Variants in PDE4D observed in about 807,000 individuals in gnomAD.
The protein encoded by PDE4D is phosphodiesterase 4D.
In PDE4D, 24 loss-of-function variants were observed where a neutral mutation model predicts 87.4. That is an observed-to-expected ratio of 0.27 (90% confidence interval 0.20 to 0.39). The LOEUF (loss-of-function observed/expected upper bound fraction) is 0.39. PDE4D is among the 10% of genes least tolerant of loss of function. PDE4D has a pLI of 1.00. For missense variants in PDE4D, 714 were observed against 1,041.0 expected (o/e 0.69, Z 4.32); for synonymous variants, 384 against 383.2 (o/e 1.00, Z -0.02).
At chr5:59,846,611 T>C (rs1743895572) in intron 1 of PDE4D, among the ~76,000 whole-genome samples, 2 of 152,128 alleles carry the variant, frequency 1.3e-5, no homozygotes, top group South Asian at 4.1e-4. Flanking sequence ...GAAGACTTGC[T>C]CCTAAGACCA....
chr5:60,361,354 A>C (rs1325148609), intron 1 of PDE4D, among the ~76,000 whole-genome samples: 2 of 152,228 alleles, frequency 1.3e-5, no homozygotes, highest in Non-Finnish European at 2.9e-5. Flanking sequence ...TACTTGATGT[A>C]GCTGTGAAAA....
intron 3 of PDE4D, among the ~76,000 whole-genome samples, chr5:59,938,163 T>C (rs1307989997): frequency 6.6e-6 from 1 of 152,204 alleles, no homozygotes; most frequent in African/African-American, 2.4e-5. Context: ...GACAGATTTA[T>C]TAAATAGCAC....
intron 1 of PDE4D, among the ~76,000 whole-genome samples, chr5:59,826,113 C>G (rs531706771): frequency 2.0e-5 from 3 of 152,148 alleles, no homozygotes; most frequent in African/African-American, 2.4e-5. Context: ...TTTTCTGTTA[C>G]AAATTCAGAG....
chr5:59,295,220 T>G (rs1377574853), intron 1 of PDE4D, among the ~76,000 whole-genome samples: 4 of 152,198 alleles, frequency 2.6e-5, no homozygotes, highest in Non-Finnish European at 5.9e-5. Context: ...AACGTTTTAC[T>G]ATTGACTAAT....
At chr5:59,768,364 G>A in intron 1 of PDE4D, 1 of 1,598,348 alleles carries the variant, frequency 6.3e-7, no homozygotes, top group Non-Finnish European at 8.5e-7. Flanking sequence ...GGGAGAAACC[G>A]ATTTCCTCGC....
In PDE4D at chr5:60,162,760, A is replaced by G. The variant is rs56786015; in HGVS notation, c.42+22797T>C. ...TAAATTATGAGACTCGCTGCCAGGA[A>G]GAAAAAAAAAAGATGCTACCCAACC... On this transcript the variant is annotated intron_variant, in intron 2 of 16. Coordinates refer to the PDE4D transcript ENST00000502484. Among the ~76,000 whole-genome samples the G allele has an allele frequency of 2.5e-3, 387 of 152,194 alleles. 2 individuals are homozygous for G. The highest frequency in any genetic ancestry group is 9.1e-3 in the African/African-American group (376 of 41,540).
At chr5:60,186,517 T>C (rs577020599) in intron 1 of PDE4D, among the ~76,000 whole-genome samples, 2 of 152,286 alleles carry the variant, frequency 1.3e-5, no homozygotes, top group African/African-American at 2.4e-5. Flanking sequence ...ATAAGATATA[T>C]TTGCATGTGG....
At chr5:59,979,348 T>G (rs1761667078) in intron 3 of PDE4D, among the ~76,000 whole-genome samples, 2 of 125,654 alleles carry the variant, frequency 1.6e-5, no homozygotes, top group African/African-American at 5.1e-5. Context: ...TATTTATATA[T>G]TATAAATTAC....
chr5:60,327,706 C>A (rs893723065), intron 1 of PDE4D, among the ~76,000 whole-genome samples: 1 of 152,126 alleles, frequency 6.6e-6, no homozygotes, highest in African/African-American at 2.4e-5. Flanking sequence ...GGAAAACAGT[C>A]CAAGTTTCCA....
chr5:60,338,829 A>C (rs901271865), intron 1 of PDE4D, among the ~76,000 whole-genome samples: 1 of 152,024 alleles, frequency 6.6e-6, no homozygotes, highest in Non-Finnish European at 1.5e-5. Flanking sequence ...CCCCTTCCCA[A>C]AATAGGAGAG....
At position 59,281,951 on chromosome 5, in the gene PDE4D, T is replaced by C. The variant is rs1765870865; in HGVS notation, c.456-65983A>G. Among the ~76,000 whole-genome samples, 2 of 152,212 alleles carry C rather than the reference T, an allele frequency of 1.3e-5. 1 individual carries two copies. The highest frequency in any genetic ancestry group is 4.1e-4 in the South Asian group (2 of 4,832). ...TTGAGAAATCAATGTACTTGCCTTA[T>C]CCATCATCAATTCTTTCAAAGTATT... is the stretch of plus-strand genomic sequence containing the variant. On this transcript the variant is annotated intron_variant, in intron 1 of 14. Transcript: ENST00000340635.
chr5:60,121,321 C>A (rs1428061293), intron 2 of PDE4D, among the ~76,000 whole-genome samples: 1 of 151,976 alleles, frequency 6.6e-6, no homozygotes, highest in East Asian at 1.9e-4. Flanking sequence ...AAATTCTCAG[C>A]AAGTGTTACT....
chr5:59,228,139 A>G (rs539395868), intron 1 of PDE4D, among the ~76,000 whole-genome samples: 2 of 152,310 alleles, frequency 1.3e-5, no homozygotes, highest in Admixed American at 1.3e-4. Context: ...ATTTTTAGCA[A>G]ACTAATGCAG....
At chr5:59,156,334 T>TATAC (rs1561585442) in intron 5 of PDE4D, among the ~76,000 whole-genome samples, 1 of 91,532 alleles carries the variant, frequency 1.1e-5, no homozygotes, top group Non-Finnish European at 2.4e-5. Flanking sequence ...TATATATATG[T>TATAC]GTGTGTGTGT....
intron 1 of PDE4D, among the ~76,000 whole-genome samples, chr5:59,550,976 G>A (rs1331027991): frequency 3.9e-5 from 6 of 152,138 alleles, no homozygotes; most frequent in Admixed American, 2.0e-4. Context: ...GATTATAGGC[G>A]TGAGCCACCC....
At chr5:59,563,438 C>G (rs1820381674) in intron 1 of PDE4D, among the ~76,000 whole-genome samples, 2 of 152,204 alleles carry the variant, frequency 1.3e-5, no homozygotes, top group African/African-American at 4.8e-5. Flanking sequence ...ATATCCCTAA[C>G]CAGTCATTCA....
intron 1 of PDE4D, among the ~76,000 whole-genome samples, chr5:59,331,079 TA>T (rs1776646348): frequency 6.6e-6 from 1 of 152,196 alleles, no homozygotes; most frequent in South Asian, 2.1e-4. Context: ...TAGTGTCAAC[TA>T]TGTTACACCT....
intron 5 of PDE4D, among the ~76,000 whole-genome samples, chr5:59,047,801 A>G (rs1311959237): frequency 6.6e-6 from 1 of 152,198 alleles, no homozygotes; most frequent in African/African-American, 2.4e-5. Context: ...GGTCATGAGA[A>G]TGGAGCCCTC....
intron 2 of PDE4D, among the ~76,000 whole-genome samples, chr5:60,110,455 A>G (rs1304833411): frequency 6.6e-6 from 1 of 152,126 alleles, no homozygotes; most frequent in Non-Finnish European, 1.5e-5. Context: ...ACAATGAGAT[A>G]TTATCTCACC....
Sources: gnomAD v4.1 joint callset for allele counts (sites outside exome capture counted in the v4.1 genomes callset) on GRCh38, gnomAD v4.1.1 for gene constraint, MANE v1.5 for transcripts, NCBI Gene and HGNC (gene_info 2026-07-23, HGNC 2026-07-21) for gene names.